PAPPA2: variants seen among roughly 807,000 people sequenced by gnomAD.
PAPPA2 encodes the protein pappalysin 2.
A neutral mutation model predicts 176.4 loss-of-function variants in PAPPA2; 86 were observed. That is an observed-to-expected ratio of 0.49 (90% confidence interval 0.41 to 0.58). PAPPA2 has a LOEUF of 0.58. Ranked by LOEUF, PAPPA2 falls within the 20% of genes least tolerant of loss-of-function variation. PAPPA2 has a pLI of 0.00. For synonymous variants in PAPPA2, 809 were observed against 852.2 expected (o/e 0.95, Z 0.88); for missense variants, 2,073 against 2,256.9 (o/e 0.92, Z 1.65).
At chr1:176,689,971 G>T (rs1397865476) in intron 4 of PAPPA2, among the ~76,000 whole-genome samples, 166 bp from the exon 5 acceptor site, 2 of 152,164 alleles carry the variant, frequency 1.3e-5, no homozygotes, top group African/African-American at 4.8e-5. Context: ...TGTTTAGAGG[G>T]TTTCTGTGGC....
In PAPPA2 at chr1:176,789,887, C is replaced by A. The variant is rs370975194; in HGVS notation, c.4794C>A (p.Pro1598=). The stretch of plus-strand genomic sequence containing the variant: ...GCATTCCTGTGGTGTGTGAGCCACC[C>A]CCTCCTGTGTTTGAAGGCATGTATG... ...GSCIPVVCEP[P]PPVFEGMYEC... is the part of the protein sequence containing the mutation. The change falls in exon 18 of 23, where the codon CCC becomes CCA. Residue 1598 remains proline (P), a synonymous_variant. Coordinates refer to ENST00000367662, the MANE Select transcript of PAPPA2 (RefSeq NM_020318.3). The A allele has an allele frequency of 1.2e-6, 2 of 1,614,078 alleles. No individual in the cohort carries two copies. The highest frequency in any genetic ancestry group is 1.7e-5 in the Admixed American group (1 of 60,020).
chr1:176,570,296 G>C (rs542875638), intron 2 of PAPPA2, among the ~76,000 whole-genome samples: 5 of 152,052 alleles, frequency 3.3e-5, no homozygotes, highest in Admixed American at 6.5e-5. Context: ...CTCTCTTTTG[G>C]GGGGGTGAAA....
At chr1:176,616,530 A>G (rs1655268555) in intron 3 of PAPPA2, 3 of 1,283,460 alleles carry the variant, frequency 2.3e-6, no homozygotes, top group Non-Finnish European at 3.3e-6. Flanking sequence ...AATTTTTACA[A>G]AATGTAACCA....
chr1:176,665,979 C>A lies in PAPPA2; in HGVS notation c.1992-4991C>A, dbSNP rs537536760. 2.6e-5 allele frequency among the ~76,000 whole-genome samples: 4 copies of A among 152,184 alleles called. No homozygotes were observed. In the East Asian group the frequency reaches 7.8e-4, roughly 30 times the overall value. On this transcript the variant is annotated intron_variant, in intron 3 of 22. Transcript: ENST00000367662. ...CTTAGAGGAGAGGTAGGAGTAGTTACATTTATGTTGGGGAGTTGTTCGAAT... is the reference window on the plus strand; with the variant it reads ...CTTAGAGGAGAGGTAGGAGTAGTTAAATTTATGTTGGGGAGTTGTTCGAAT...
intron 14 of PAPPA2, among the ~76,000 whole-genome samples, chr1:176,758,969 G>A (rs1663566674): frequency 6.6e-6 from 1 of 152,204 alleles, no homozygotes; most frequent in Admixed American, 6.5e-5. Flanking sequence ...AGGCCAAGAT[G>A]GTTAAGAGAC....
intron 16 of PAPPA2, 55 bp downstream of exon 16, chr1:176,769,839 T>C: frequency 6.7e-7 from 1 of 1,501,864 alleles, no homozygotes; most frequent in Non-Finnish European, 9.0e-7. Context: ...CCCTCGCTCT[T>C]GAGGGTACTT....
chr1:176,583,788 C>T (rs575763091), intron 2 of PAPPA2, among the ~76,000 whole-genome samples: 1 of 152,240 alleles, frequency 6.6e-6, no homozygotes, highest in South Asian at 2.1e-4. Context: ...GGCATAATGG[C>T]TCACACCTAT....
At chr1:176,677,919 T>C (rs528758473) in intron 4 of PAPPA2, among the ~76,000 whole-genome samples, 1 of 152,208 alleles carries the variant, frequency 6.6e-6, no homozygotes, top group Admixed American at 6.5e-5. Context: ...GAGACAGATA[T>C]GTCATACAGA....
chr1:176,477,802 T>C (rs1220007862), intron 1 of PAPPA2, among the ~76,000 whole-genome samples: 1 of 151,938 alleles, frequency 6.6e-6, no homozygotes, highest in East Asian at 1.9e-4. Context: ...AAATAAAATA[T>C]GCTGGCCTAG....
At chr1:176,615,370 G>A (rs1368750458) in intron 3 of PAPPA2, among the ~76,000 whole-genome samples, 20 of 152,206 alleles carry the variant, frequency 1.3e-4, no homozygotes, top group Admixed American at 1.3e-3. Context: ...GAGTGCAGTG[G>A]CGCCATCTCG....
chr1:176,582,392 C>T (rs2102630601), intron 2 of PAPPA2, among the ~76,000 whole-genome samples: 1 of 152,250 alleles, frequency 6.6e-6, no homozygotes, highest in East Asian at 1.9e-4. Flanking sequence ...TTGTCTTTTT[C>T]CAGTTCTTAG....
chr1:176,710,309 C>T, intron 11 of PAPPA2, 133 bp downstream of exon 11: 2 of 760,666 alleles, frequency 2.6e-6, no homozygotes, highest in Non-Finnish European at 2.1e-6. Flanking sequence ...GGGAACATTA[C>T]TGGATCTGCC....
In PAPPA2 at chr1:176,658,050, A is replaced by G. The variant is rs1288342257; in HGVS notation, c.1992-12920A>G. Among the ~76,000 whole-genome samples, 5 of 152,156 alleles carry G rather than the reference A, an allele frequency of 3.3e-5. No homozygotes were observed. The South Asian group carries it at 1.0e-3, about 32-fold the overall frequency. On this transcript the variant is annotated intron_variant, in intron 3 of 22. Transcript: ENST00000367662. ...TCTATCATGCTGAGAAAGGAATGAT[A>G]CTTGCCTTCTGGGATCTTTGTCCAG... is the stretch of plus-strand genomic sequence containing the variant.
rs1651323019 is a variant in PAPPA2 at position 176,556,736 on chromosome 1, T to C, written c.414T>C (p.Ser138=). The change falls in exon 2 of 23, where the codon TCT becomes TCC. Residue 138 remains serine (S), a synonymous_variant. Transcript: ENST00000367662. ...TAGGGGATAGTCCTATTGGGCAATCTGAGCTGCTGGGAGATGATGACGCTT... is the reference window on the plus strand; with the variant it reads ...TAGGGGATAGTCCTATTGGGCAATCCGAGCTGCTGGGAGATGATGACGCTT... ...PWVGDSPIGQ[S]ELLGDDDAYL... 1.2e-6 allele frequency: 2 copies of C among 1,613,994 alleles called. No individual in the cohort carries two copies. The highest frequency in any genetic ancestry group is 1.7e-6 in the Non-Finnish European group (2 of 1,179,970).
intron 1 of PAPPA2, among the ~76,000 whole-genome samples, chr1:176,521,487 C>A (rs1328350899): frequency 6.6e-6 from 1 of 152,150 alleles, no homozygotes; most frequent in Non-Finnish European, 1.5e-5. Context: ...TCCCACTGCC[C>A]TACCTACACC....
intron 14 of PAPPA2, among the ~76,000 whole-genome samples, chr1:176,754,074 A>AT (rs1337963354): frequency 1.3e-5 from 2 of 150,046 alleles, no homozygotes; most frequent in Admixed American, 1.3e-4. Flanking sequence ...TGAAGAGGCC[A>AT]TGGACATGGT....
chr1:176,792,721 G>A (rs915244219), intron 19 of PAPPA2, among the ~76,000 whole-genome samples: 1 of 151,818 alleles, frequency 6.6e-6, no homozygotes, highest in Non-Finnish European at 1.5e-5. Flanking sequence ...TAAAAAAAAA[G>A]TTAAAAATAA....
chr1:176,636,265 G>A (rs1656695989), intron 3 of PAPPA2, among the ~76,000 whole-genome samples: 1 of 152,102 alleles, frequency 6.6e-6, no homozygotes, highest in Admixed American at 6.6e-5. Flanking sequence ...CCATTTCATT[G>A]TTTCCATATT....
intron 3 of PAPPA2, among the ~76,000 whole-genome samples, chr1:176,625,070 G>A (rs908303455): frequency 5.3e-5 from 8 of 152,214 alleles, no homozygotes; most frequent in African/African-American, 1.9e-4. Flanking sequence ...AGGCAGTCCA[G>A]CTGTCAGAAG....
Sources: gnomAD v4.1 joint callset for allele counts (sites outside exome capture counted in the v4.1 genomes callset) on GRCh38, gnomAD v4.1.1 for gene constraint, MANE v1.5 for transcripts, NCBI Gene and HGNC (gene_info 2026-07-23, HGNC 2026-07-21) for gene names.